Variants in DLG2 observed in about 807,000 individuals in gnomAD.
The protein encoded by DLG2 is discs large MAGUK scaffold protein 2.
DLG2 carries 45 observed loss-of-function variants against 132.5 expected under a neutral mutation model. The ratio of observed to expected loss-of-function variants is 0.34; its 90% confidence interval spans 0.27 to 0.44. DLG2 has a LOEUF of 0.44. Ranked by LOEUF, DLG2 falls within the 20% of genes least tolerant of loss-of-function variation. The pLI is 1.00. For synonymous variants in DLG2, 424 were observed against 419.6 expected (o/e 1.01, Z -0.13); for missense variants, 1,045 against 1,196.9 (o/e 0.87, Z 1.87).
At chr11:84,783,048 C>A (rs1455788694) in intron 6 of DLG2, among the ~76,000 whole-genome samples, 2 of 152,046 alleles carry the variant, frequency 1.3e-5, no homozygotes, top group Non-Finnish European at 1.5e-5. Context: ...TAAAATCTAC[C>A]AAGACTCTCA....
At chr11:83,885,380 C>A (rs549237618) in intron 15 of DLG2, among the ~76,000 whole-genome samples, 1 of 152,034 alleles carries the variant, frequency 6.6e-6, no homozygotes, top group East Asian at 1.9e-4. Context: ...AATGAAGTGA[C>A]AAAGGAAGTT....
intron 6 of DLG2, among the ~76,000 whole-genome samples, chr11:84,881,206 C>A (rs1316220500): frequency 5.9e-5 from 9 of 152,056 alleles, no homozygotes; most frequent in Admixed American, 5.9e-4. Context: ...TGCAAAGCCT[C>A]CTATTATCTC....
chr11:85,517,693 A>T (rs569438888), intron 3 of DLG2, among the ~76,000 whole-genome samples: 1 of 151,972 alleles, frequency 6.6e-6, no homozygotes, highest in South Asian at 2.1e-4. Context: ...CGCTCACTGC[A>T]GTCTTGAATC....
chr11:84,364,429 CT>C (rs1490112270), intron 7 of DLG2, among the ~76,000 whole-genome samples: 2 of 152,140 alleles, frequency 1.3e-5, no homozygotes, highest in African/African-American at 4.8e-5. Flanking sequence ...ATGGGGTTTT[CT>C]AGATATACAA....
chr11:84,124,610 C>T (rs1233643249), intron 9 of DLG2, among the ~76,000 whole-genome samples: 1 of 152,102 alleles, frequency 6.6e-6, no homozygotes, highest in Non-Finnish European at 1.5e-5. Context: ...TTCTCTCTTT[C>T]TTTACCATAA....
chr11:84,077,878 T>C (rs987862455), intron 10 of DLG2, among the ~76,000 whole-genome samples: 1 of 152,204 alleles, frequency 6.6e-6, no homozygotes, highest in African/African-American at 2.4e-5. Context: ...ACATTTTCTA[T>C]TGATCACCCT....
intron 17 of DLG2, among the ~76,000 whole-genome samples, chr11:83,813,974 C>T (rs893578611): frequency 1.3e-5 from 2 of 152,134 alleles, no homozygotes; most frequent in Non-Finnish European, 2.9e-5. Context: ...TTACAAACAA[C>T]AGAGTCAGGA....
intron 9 of DLG2, among the ~76,000 whole-genome samples, chr11:84,129,657 C>T (rs1397275023): frequency 6.6e-6 from 1 of 151,794 alleles, no homozygotes; most frequent in African/African-American, 2.4e-5. Flanking sequence ...AATTCATTTA[C>T]CCTGAAAATA....
intron 6 of DLG2, among the ~76,000 whole-genome samples, chr11:84,593,178 C>T (rs2099548180): frequency 6.6e-6 from 1 of 151,120 alleles, no homozygotes; most frequent in Middle Eastern, 3.5e-3. Flanking sequence ...GAAATAGGGA[C>T]ACTTTTACAC....
chr11:85,592,083 C>A lies in DLG2; in HGVS notation c.40+6574G>T, dbSNP rs986405220. On this transcript the variant is annotated intron_variant, in intron 3 of 27. Coordinates refer to ENST00000376104, the MANE Select transcript of DLG2 (RefSeq NM_001142699.3). ...TCTCCTATGCCATTTTAGTCTAGCCCCAAAAATTTAGTCCTCCACTATATG... is the reference window on the plus strand; with the variant it reads ...TCTCCTATGCCATTTTAGTCTAGCCACAAAAATTTAGTCCTCCACTATATG... Among the ~76,000 whole-genome samples the A allele has an allele frequency of 2.0e-5, 3 of 152,196 alleles. No individual in the cohort carries two copies. The South Asian group carries it at 6.2e-4, about 32-fold the overall frequency.
intron 3 of DLG2, among the ~76,000 whole-genome samples, chr11:85,461,280 T>C (rs138613095): frequency 1.3e-5 from 2 of 152,324 alleles, no homozygotes; most frequent in East Asian, 3.9e-4. Flanking sequence ...TATACTCCAT[T>C]TGAATGTGTC....
chr11:85,117,475 T>C (rs973649418), intron 5 of DLG2, among the ~76,000 whole-genome samples: 7 of 152,042 alleles, frequency 4.6e-5, no homozygotes, highest in African/African-American at 7.2e-5. Context: ...TTATTCTTAC[T>C]GTTATTATAT....
At chr11:84,444,245 C>T (rs1331926232) in intron 7 of DLG2, among the ~76,000 whole-genome samples, 1 of 152,058 alleles carries the variant, frequency 6.6e-6, no homozygotes, top group African/African-American at 2.4e-5. Context: ...GGGGGAGCAT[C>T]AGGAAGAACA....
chr11:85,374,983 C>T (rs886102756), intron 3 of DLG2, among the ~76,000 whole-genome samples: 23 of 152,168 alleles, frequency 1.5e-4, no homozygotes, highest in African/African-American at 3.4e-4. Context: ...CACACACACA[C>T]GAAGACATAA....
At chr11:84,182,071 T>G (rs1236142476) in intron 8 of DLG2, among the ~76,000 whole-genome samples, 2 of 152,174 alleles carry the variant, frequency 1.3e-5, no homozygotes, top group African/African-American at 4.8e-5. Flanking sequence ...GACAGCAGAT[T>G]ACACATTCTT....
At chr11:84,219,270 C>T (rs1299756401) in intron 8 of DLG2, among the ~76,000 whole-genome samples, 1 of 152,154 alleles carries the variant, frequency 6.6e-6, no homozygotes, top group Non-Finnish European at 1.5e-5. Context: ...TAAGCAGTGA[C>T]AGAACTAGAA....
At chr11:84,287,993 CT>C (rs2097932377) in intron 7 of DLG2, among the ~76,000 whole-genome samples, 1 of 151,686 alleles carries the variant, frequency 6.6e-6, no homozygotes, top group South Asian at 2.1e-4. Flanking sequence ...GAGAGCAGTC[CT>C]TGATTCTAGT....
At chr11:83,941,423 GCT>G (rs1418605750) in intron 14 of DLG2, among the ~76,000 whole-genome samples, 1 of 149,564 alleles carries the variant, frequency 6.7e-6, no homozygotes, top group African/African-American at 2.5e-5. Flanking sequence ...ACAGAATCTT[GCT>G]CTGTCACCCA....
At chr11:84,456,810 G>C (rs1233028240) in intron 7 of DLG2, among the ~76,000 whole-genome samples, 1 of 151,108 alleles carries the variant, frequency 6.6e-6, no homozygotes, top group Non-Finnish European at 1.5e-5. Flanking sequence ...AGAAATTTTA[G>C]CCTTTTTTGC....
Sources: gnomAD v4.1 joint callset for allele counts (sites outside exome capture counted in the v4.1 genomes callset) on GRCh38, gnomAD v4.1.1 for gene constraint, MANE v1.5 for transcripts, NCBI Gene and HGNC (gene_info 2026-07-23, HGNC 2026-07-21) for gene names.